DLG2: variants seen among roughly 807,000 people sequenced by gnomAD.
DLG2 encodes the protein disks large homolog 2.
In DLG2, 45 loss-of-function variants were observed where a neutral mutation model predicts 132.5. The ratio of observed to expected loss-of-function variants is 0.34; its 90% CI spans 0.27 to 0.44. The LOEUF (loss-of-function observed/expected upper bound fraction) is 0.44, where lower values mean the gene tolerates loss of function less well. Ranked by LOEUF, DLG2 falls within the 20% of genes least tolerant of loss-of-function variation. The pLI, the probability that DLG2 is intolerant of heterozygous loss-of-function variation, is 1.00. For synonymous variants in DLG2, 424 were observed against 419.6 expected (o/e 1.01, Z -0.13); for missense variants, 1,045 against 1,196.9 (o/e 0.87, Z 1.87).
chr11:84,359,920 T>A (rs1222423816), intron 7 of DLG2, among the ~76,000 whole-genome samples: 1 of 151,946 alleles, frequency 6.6e-6, no homozygotes, highest in Non-Finnish European at 1.5e-5. Context: ...ACAGTAAATT[T>A]CCTGATATAT....
intron 7 of DLG2, among the ~76,000 whole-genome samples, chr11:84,529,226 A>T (rs184042063): frequency 6.6e-6 from 1 of 152,152 alleles, no homozygotes; most frequent in African/African-American, 2.4e-5. Flanking sequence ...CCCCTTGAAA[A>T]CCAGAACAAG....
In DLG2 at chr11:84,466,847, G is replaced by T. The variant is rs190323457; in HGVS notation, c.519+67723C>A. On this transcript the variant is annotated intron_variant, in intron 7 of 27. Coordinates refer to ENST00000376104, the MANE Select transcript of DLG2 (RefSeq NM_001142699.3). Reference sequence around the variant, plus strand: ...ATGTTATTTGTGACAGTATTTGTTAGGATAAAGTGAATAAGTAAAAATACT... The same window carrying T: ...ATGTTATTTGTGACAGTATTTGTTATGATAAAGTGAATAAGTAAAAATACT... Among the ~76,000 whole-genome samples the T allele has an allele frequency of 1.3e-3, 192 of 151,276 alleles. 2 individuals carry two copies. Among genetic ancestry groups the T allele is most frequent in the Non-Finnish European group, 2.3e-3 (158 of 67,482 alleles).
intron 11 of DLG2, among the ~76,000 whole-genome samples, chr11:84,014,827 T>C (rs915456867): frequency 1.3e-4 from 19 of 146,990 alleles, no homozygotes; most frequent in Middle Eastern, 3.4e-3. Context: ...ATCCTAATCC[T>C]GATACAGACT....
At chr11:84,815,921 C>T (rs920141549) in intron 6 of DLG2, among the ~76,000 whole-genome samples, 1 of 152,010 alleles carries the variant, frequency 6.6e-6, no homozygotes, top group African/African-American at 2.4e-5. Context: ...GTATCAGGCT[C>T]CAATGTAGCA....
At chr11:84,392,562 A>C (rs775196813) in intron 7 of DLG2, among the ~76,000 whole-genome samples, 1 of 152,198 alleles carries the variant, frequency 6.6e-6, no homozygotes, top group African/African-American at 2.4e-5. Context: ...ATTTTGGTCT[A>C]TTCTTGTAAT....
chr11:85,510,317 C>T (rs1220393093), intron 3 of DLG2, among the ~76,000 whole-genome samples: 2 of 152,060 alleles, frequency 1.3e-5, no homozygotes, highest in Non-Finnish European at 2.9e-5. Context: ...TGGGCAAGGA[C>T]TTCATGTACA....
intron 4 of DLG2, among the ~76,000 whole-genome samples, chr11:85,242,227 T>G (rs2075916646): frequency 6.6e-6 from 1 of 152,028 alleles, no homozygotes; most frequent in Non-Finnish European, 1.5e-5. Context: ...ATCGTCTTCT[T>G]GCATCCAGTG....
chr11:84,679,650 T>G (rs2153704906), intron 6 of DLG2, among the ~76,000 whole-genome samples: 1 of 152,190 alleles, frequency 6.6e-6, no homozygotes, highest in Admixed American at 6.5e-5. Flanking sequence ...TATTGAGAGT[T>G]TACTATATGT....
chr11:84,027,890 T>C (rs1026658404), intron 11 of DLG2, among the ~76,000 whole-genome samples: 1 of 152,062 alleles, frequency 6.6e-6, no homozygotes, highest in Non-Finnish European at 1.5e-5. Flanking sequence ...ATAAAATGTT[T>C]GTATATTTGA....
intron 6 of DLG2, among the ~76,000 whole-genome samples, chr11:84,707,660 C>G (rs977805030): frequency 1.5e-4 from 23 of 151,910 alleles, no homozygotes; most frequent in African/African-American, 5.3e-4. Context: ...AGTCCTTCAG[C>G]TCTACTTCTG....
chr11:84,891,549 G>T (rs2089395139), intron 6 of DLG2, among the ~76,000 whole-genome samples: 1 of 151,860 alleles, frequency 6.6e-6, no homozygotes, highest in South Asian at 2.1e-4. Flanking sequence ...GGTTTCATCA[G>T]GATAACAGTA....
At chr11:84,543,903 C>T (rs2099384327) in intron 6 of DLG2, among the ~76,000 whole-genome samples, 1 of 152,174 alleles carries the variant, frequency 6.6e-6, no homozygotes, top group South Asian at 2.1e-4. Flanking sequence ...AATTAAATTA[C>T]AAATCAGCTG....
chr11:83,850,948 G>A (rs192381547), intron 16 of DLG2, among the ~76,000 whole-genome samples: 374 of 152,002 alleles, frequency 2.5e-3, no homozygotes, highest in Admixed American at 6.5e-3. Flanking sequence ...AGGCCGAGGC[G>A]GGCAGATCAC....
chr11:85,618,030 A>G (rs2081456473), intron 2 of DLG2, among the ~76,000 whole-genome samples: 1 of 152,212 alleles, frequency 6.6e-6, no homozygotes, highest in Admixed American at 6.5e-5. Flanking sequence ...TCGTTTCATA[A>G]TGAAGGTGAT....
chr11:84,295,833 C>T (rs890474821), intron 7 of DLG2, among the ~76,000 whole-genome samples: 2 of 152,164 alleles, frequency 1.3e-5, no homozygotes, highest in Non-Finnish European at 2.9e-5. Context: ...TTGAATTAAA[C>T]CACGACCCTT....
At chr11:83,741,062 C>T (rs932583863) in intron 18 of DLG2, among the ~76,000 whole-genome samples, 1 of 152,168 alleles carries the variant, frequency 6.6e-6, no homozygotes, top group African/African-American at 2.4e-5. Flanking sequence ...ATATGATCAT[C>T]TTAATAGATG....
chr11:84,583,862 A>G (rs1247572471), intron 6 of DLG2, among the ~76,000 whole-genome samples: 3 of 152,004 alleles, frequency 2.0e-5, no homozygotes, highest in African/African-American at 7.2e-5. Context: ...ATTCCATTTG[A>G]TTTTATGTTT....
At chr11:83,734,338 C>CCCTTCCTTCCTTCCTTCCTT (rs563427546) in intron 18 of DLG2, among the ~76,000 whole-genome samples, 3 of 95,340 alleles carry the variant, frequency 3.1e-5, no homozygotes, top group South Asian at 4.7e-4. Flanking sequence ...CACTAATTTT[C>CCCTTCCTTCCTTCCTTCCTT]CCTTCCTTCC....
At chr11:83,753,849 ATATC>A (rs1566832160) in intron 18 of DLG2, among the ~76,000 whole-genome samples, 1 of 45,108 alleles carries the variant, frequency 2.2e-5, no homozygotes, top group African/African-American at 6.4e-5. Context: ...TATATCATAT[ATATC>A]ATATATATAT....
Sources: gnomAD v4.1 joint callset for allele counts (sites outside exome capture counted in the v4.1 genomes callset) on GRCh38, gnomAD v4.1.1 for gene constraint, MANE v1.5 for transcripts, NCBI Gene and HGNC (gene_info 2026-07-23, HGNC 2026-07-21) for gene names.